LEPR: variants seen among roughly 807,000 people sequenced by gnomAD.
The protein encoded by LEPR is leptin receptor, also known as OB receptor.
LEPR carries 56 observed loss-of-function variants against 114.7 expected under a neutral mutation model. That is an observed-to-expected ratio of 0.49 (90% CI 0.39 to 0.61). The LOEUF (loss-of-function observed/expected upper bound fraction) is 0.61. Among genes scored for constraint, LEPR ranks in the 20% least tolerant of loss-of-function variants. The probability of loss-of-function intolerance (pLI) is 0.00; values close to 1 mark genes in which losing one functional copy is unlikely to be tolerated. For synonymous variants in LEPR, 443 were observed against 461.4 expected (o/e 0.96, Z 0.51); for missense variants, 1,202 against 1,352.9 (o/e 0.89, Z 1.75).
intron 9 of LEPR, 23 bp downstream of exon 9, chr1:65,601,705 C>T: frequency 6.2e-7 from 1 of 1,613,050 alleles, no homozygotes; most frequent in East Asian, 2.2e-5. Context: ...AGGTTTTGTT[C>T]ATTTTGTTCC....
intron 2 of LEPR, among the ~76,000 whole-genome samples, chr1:65,461,451 G>A (rs760747993): frequency 6.6e-6 from 1 of 152,206 alleles, no homozygotes; most frequent in Non-Finnish European, 1.5e-5. Context: ...AAAAGGAACT[G>A]TAGCCAGAGA....
intron 2 of LEPR, among the ~76,000 whole-genome samples, chr1:65,486,163 C>A (rs1260859551): frequency 6.6e-6 from 1 of 152,040 alleles, no homozygotes; most frequent in Non-Finnish European, 1.5e-5. Flanking sequence ...AACTTTCATT[C>A]TCTGATGTGA....
chr1:65,634,492 T>C, intron 19 of LEPR: 1 of 941,528 alleles, frequency 1.1e-6, no homozygotes, highest in Non-Finnish European at 1.3e-6. Flanking sequence ...ATACTTTTAA[T>C]AAAGTTTTAT....
At chr1:65,557,634 G>A (rs1435313953) in intron 2 of LEPR, among the ~76,000 whole-genome samples, 1 of 152,156 alleles carries the variant, frequency 6.6e-6, no homozygotes, top group East Asian at 1.9e-4. Flanking sequence ...TGGCCAGGCT[G>A]GTCTTGAACT....
intron 5 of LEPR, 86 bp downstream of exon 5, chr1:65,572,535 T>G: frequency 7.7e-7 from 1 of 1,295,756 alleles, no homozygotes; most frequent in Non-Finnish European, 1.1e-6. Context: ...TATAAACCTC[T>G]TGCATCCCTA....
intron 2 of LEPR, among the ~76,000 whole-genome samples, chr1:65,554,957 T>C (rs1405622295): frequency 6.6e-6 from 1 of 152,050 alleles, no homozygotes; most frequent in East Asian, 1.9e-4. Flanking sequence ...TTCCCTTGGC[T>C]AGGGGAGGGA....
chr1:65,493,714 T>C (rs1327120), intron 2 of LEPR, among the ~76,000 whole-genome samples: 86,071 of 151,846 alleles, frequency 0.57, 25,156 homozygotes, highest in Middle Eastern at 0.71. Flanking sequence ...TTTTCTCTTG[T>C]ATATCGGACC....
chr1:65,631,641 T>G (rs1385250939), intron 19 of LEPR, among the ~76,000 whole-genome samples: 1 of 152,192 alleles, frequency 6.6e-6, no homozygotes, highest in Non-Finnish European at 1.5e-5. Flanking sequence ...TCAGCCATCT[T>G]GAATCAGAAT....
chr1:65,592,508 T>G, intron 5 of LEPR, 149 bp from the exon 6 acceptor site: 1 of 742,320 alleles, frequency 1.3e-6, no homozygotes, highest in Non-Finnish European at 2.1e-6. Flanking sequence ...TATCTTTGTT[T>G]TTCTAATGTA....
At chr1:65,523,507 C>T (rs1446598751) in intron 2 of LEPR, among the ~76,000 whole-genome samples, 1 of 152,076 alleles carries the variant, frequency 6.6e-6, no homozygotes, top group Non-Finnish European at 1.5e-5. Context: ...GATGGGGTTT[C>T]ACCATGTTGG....
chr1:65,575,060 A>G (rs2100825007), intron 5 of LEPR, among the ~76,000 whole-genome samples: 1 of 152,270 alleles, frequency 6.6e-6, no homozygotes, highest in East Asian at 1.9e-4. Context: ...TGCTGAGAAT[A>G]TGAAAAAAAC....
rs1658604150 is a variant in LEPR, at chr1:65,633,459, C to G, written c.2674-2732C>G. ...TTTCTGGCTTTTGATTTGTCATATT[C>G]CTGGTCATAAAACATTAAGAAAATT... On this transcript the variant is annotated intron_variant, in intron 19 of 19. Transcript: ENST00000349533. This position sits in a 1 kb window ranked among gnomAD's most constrained non-coding sequence, Gnocchi z 4.1. 1 of 1,229,470 alleles carries G rather than the reference C, an allele frequency of 8.1e-7. No individual in the cohort carries two copies. Among genetic ancestry groups the G allele is most frequent in the Non-Finnish European group, 1.0e-6 (1 of 984,184 alleles). The allele number at this position is 1,229,470 out of a possible 1,614,324, so 76.2% of individuals were successfully genotyped here.
intron 2 of LEPR, among the ~76,000 whole-genome samples, chr1:65,536,163 C>T: frequency 6.6e-6 from 1 of 152,138 alleles, no homozygotes; most frequent in East Asian, 1.9e-4. Flanking sequence ...CAAAGAGTGG[C>T]TTGGTGACAT....
chr1:65,593,230 G>C (rs1348803234), intron 6 of LEPR, among the ~76,000 whole-genome samples: 1 of 152,026 alleles, frequency 6.6e-6, no homozygotes, highest in African/African-American at 2.4e-5. Context: ...GCTCATGTTT[G>C]TCAGAGACTG....
At chr1:65,624,025 A>G (rs17406429) in intron 19 of LEPR, among the ~76,000 whole-genome samples, 20,894 of 152,068 alleles carry the variant, frequency 0.14, 1,757 homozygotes, top group Middle Eastern at 0.24. Context: ...TGTTTTTTTA[A>G]TTGTGGATAG....
intron 19 of LEPR, among the ~76,000 whole-genome samples, chr1:65,632,688 T>C (rs1386029192): frequency 6.6e-6 from 1 of 152,186 alleles, no homozygotes; most frequent in Non-Finnish European, 1.5e-5. Context: ...TTTCTAGATT[T>C]TAAAAACCCA....
chr1:65,490,187 A>G (rs978425109), intron 2 of LEPR, among the ~76,000 whole-genome samples: 3 of 152,102 alleles, frequency 2.0e-5, no homozygotes, highest in African/African-American at 7.2e-5. Flanking sequence ...GCACCTAGTA[A>G]ATATCCAATA....
intron 2 of LEPR, among the ~76,000 whole-genome samples, chr1:65,520,057 G>T (rs1649552896): frequency 6.6e-6 from 1 of 152,054 alleles, no homozygotes; most frequent in Non-Finnish European, 1.5e-5. Flanking sequence ...TAGAGACGGG[G>T]TTTCACCGTG....
chr1:65,552,615 A>G (rs917990774), intron 2 of LEPR, among the ~76,000 whole-genome samples: 1 of 152,154 alleles, frequency 6.6e-6, no homozygotes, highest in African/African-American at 2.4e-5. Context: ...ATGCAAAGGC[A>G]TGTGAGACTG....
Sources: gnomAD v4.1 joint callset for allele counts (sites outside exome capture counted in the v4.1 genomes callset) on GRCh38, gnomAD v4.1.1 for gene constraint, Gnocchi (gnomAD v3.1) non-coding constraint, MANE v1.5 for transcripts, NCBI Gene and HGNC (gene_info 2026-07-23, HGNC 2026-07-21) for gene names.